Variants in INPP4B observed in about 807,000 individuals in gnomAD.
INPP4B encodes inositol polyphosphate 4-phosphatase type II.
Under a neutral mutation model 122.5 loss-of-function variants are expected in INPP4B, and 55 were observed. That is an observed-to-expected ratio of 0.45 (90% CI 0.36 to 0.56). INPP4B has a LOEUF of 0.56. Among genes scored for constraint, INPP4B ranks in the 20% least tolerant of loss-of-function variants. INPP4B has a pLI of 0.00. For synonymous variants in INPP4B, 403 were observed against 388.7 expected, an observed-to-expected ratio of 1.04 and a Z score of -0.43; for missense variants, 1,000 against 1,097.7, an observed-to-expected ratio of 0.91 and a Z score of 1.26.
chr4:142,653,484 G>A (rs1256685893), intron 2 of INPP4B, among the ~76,000 whole-genome samples: 5 of 152,090 alleles, frequency 3.3e-5, no homozygotes, highest in East Asian at 3.9e-4. Context: ...TCTGACAAAC[G>A]GCTAATATCC....
At chr4:142,816,892 T>G (rs963770139) in intron 1 of INPP4B, among the ~76,000 whole-genome samples, 1 of 152,176 alleles carries the variant, frequency 6.6e-6, no homozygotes, top group Non-Finnish European at 1.5e-5. Flanking sequence ...TTTAGAGTTT[T>G]GTGGGGAAGT....
At position 142,458,149 on chromosome 4, in the gene INPP4B, C is replaced by T. The variant is rs114034274; in HGVS notation, c.-127+4514G>A. Among the ~76,000 whole-genome samples the T allele has an allele frequency of 4.3e-3, 662 of 152,184 alleles. 6 individuals carry two copies. Among genetic ancestry groups the T allele is most frequent in the African/African-American group, 0.015 (615 of 41,518 alleles). ...AGGAATAAAGAGACAAATGGGTGAA[C>T]GTCAAGCACAATATGTAAGTAAAAG... is the stretch of plus-strand genomic sequence containing the variant. On this transcript the variant is annotated intron_variant, in intron 3 of 25. Coordinates refer to ENST00000262992, the MANE Select transcript of INPP4B (RefSeq NM_001101669.3).
chr4:142,469,765 A>G (rs1818471596), intron 2 of INPP4B, among the ~76,000 whole-genome samples: 1 of 152,142 alleles, frequency 6.6e-6, no homozygotes, highest in Admixed American at 6.5e-5. Context: ...GGACAATATA[A>G]TTCCTTCAGA....
chr4:142,473,549 A>C (rs1014554975), intron 2 of INPP4B: 1 of 152,480 alleles, frequency 6.6e-6, no homozygotes, highest in Non-Finnish European at 1.5e-5. Context: ...TGCAAGGGGA[A>C]CTCTAAAAGA....
chr4:142,822,455 A>G (rs1308267708), intron 1 of INPP4B, among the ~76,000 whole-genome samples: 2 of 152,090 alleles, frequency 1.3e-5, no homozygotes, highest in Non-Finnish European at 2.9e-5. Context: ...GAGCATTACC[A>G]CCTGAGCTCT....
intron 25 of INPP4B, among the ~76,000 whole-genome samples, chr4:142,067,933 C>T (rs940142744): frequency 6.6e-6 from 1 of 152,066 alleles, no homozygotes; most frequent in Non-Finnish European, 1.5e-5. Context: ...GAGAACTTCC[C>T]CAACATAGCA....
chr4:142,365,449 T>C (rs1188816459), intron 7 of INPP4B, among the ~76,000 whole-genome samples: 1 of 152,110 alleles, frequency 6.6e-6, no homozygotes, highest in Non-Finnish European at 1.5e-5. Context: ...AAGTAATAGG[T>C]GGAATACAAA....
chr4:142,395,068 G>C (rs1050864049), intron 7 of INPP4B, among the ~76,000 whole-genome samples: 1 of 152,158 alleles, frequency 6.6e-6, no homozygotes, highest in South Asian at 2.1e-4. Context: ...CCTTTCCTCT[G>C]TTGTGAGAGC....
intron 14 of INPP4B, among the ~76,000 whole-genome samples, chr4:142,195,082 A>G (rs539587767): frequency 6.6e-6 from 1 of 152,362 alleles, no homozygotes; most frequent in Admixed American, 6.5e-5. Context: ...AATACCAACA[A>G]TATACAGAAT....
At chr4:142,324,146 G>C (rs776700448) in intron 7 of INPP4B, among the ~76,000 whole-genome samples, 2 of 152,166 alleles carry the variant, frequency 1.3e-5, no homozygotes, top group East Asian at 3.9e-4. Flanking sequence ...CATGCAAAGA[G>C]GCAGCAAGAG....
chr4:142,148,511 A>C (rs1280276892), intron 17 of INPP4B, among the ~76,000 whole-genome samples: 3 of 152,150 alleles, frequency 2.0e-5, no homozygotes, highest in African/African-American at 7.2e-5. Flanking sequence ...CACTGCACCA[A>C]AGGGAACTTT....
At chr4:142,352,643 G>A (rs1011647574) in intron 7 of INPP4B, among the ~76,000 whole-genome samples, 1 of 151,828 alleles carries the variant, frequency 6.6e-6, no homozygotes, top group African/African-American at 2.4e-5. Flanking sequence ...ACCACTAACA[G>A]AGAACAAAGT....
At chr4:142,792,151 C>G (rs57356511) in intron 1 of INPP4B, among the ~76,000 whole-genome samples, 13,936 of 151,964 alleles carry the variant, frequency 0.092, 810 homozygotes, top group African/African-American at 0.16. Flanking sequence ...TACTTGGAAG[C>G]CTGAGGCAGA....
rs145127253 is a variant in INPP4B, at chr4:142,608,997, C to A, written c.-191+116842G>T. On this transcript the variant is annotated intron_variant, in intron 2 of 25. Coordinates refer to ENST00000262992, the MANE Select transcript of INPP4B (RefSeq NM_001101669.3). ...CCCTTCCTTTTTCCCATCTCAAACTCTTATTATGCTTCAAAGGAAGTTCAG... is the reference window on the plus strand; with the variant it reads ...CCCTTCCTTTTTCCCATCTCAAACTATTATTATGCTTCAAAGGAAGTTCAG... 5.2e-3 allele frequency among the ~76,000 whole-genome samples: 784 copies of A among 152,156 alleles called. 6 individuals are homozygous for A. Among genetic ancestry groups the A allele is most frequent in the Non-Finnish European group, 6.3e-3 (428 of 67,994 alleles).
In INPP4B at chr4:142,384,110, T is replaced by C. The variant is rs192512777; in HGVS notation, c.372+18828A>G. 1,687 of 702,156 alleles carry C rather than the reference T, an allele frequency of 2.4e-3. 41 individuals carry two copies. Among genetic ancestry groups the C allele is most frequent in the South Asian group, 0.023 (1,564 of 67,552 alleles). 43.5% of individuals were successfully genotyped at this position (702,156 alleles called of 1,614,324 possible). ...ACTTATACTCAAATTCTGGATGAGT[T>C]AGCTATCTTGGGAAGAAAAGTGTGA... On this transcript the variant is annotated intron_variant, in intron 7 of 25. Transcript: ENST00000262992.
chr4:142,299,710 T>C (rs896486140), intron 9 of INPP4B, among the ~76,000 whole-genome samples: 2 of 152,114 alleles, frequency 1.3e-5, no homozygotes, highest in Admixed American at 6.6e-5. Context: ...CACTTTCTAT[T>C]GACCTTATTT....
At chr4:142,736,849 G>A (rs1401246465) in intron 1 of INPP4B, among the ~76,000 whole-genome samples, 1 of 152,104 alleles carries the variant, frequency 6.6e-6, no homozygotes, top group Non-Finnish European at 1.5e-5. Context: ...AATAGGACTG[G>A]TGAGAGAGGG....
At chr4:142,832,422 T>C (rs1448980527) in intron 1 of INPP4B, among the ~76,000 whole-genome samples, 2 of 152,190 alleles carry the variant, frequency 1.3e-5, no homozygotes, top group East Asian at 3.9e-4. Flanking sequence ...AATAGATTGA[T>C]CCAGTCAGAG....
chr4:142,777,674 A>G (rs560604584), intron 1 of INPP4B, among the ~76,000 whole-genome samples: 1 of 152,190 alleles, frequency 6.6e-6, no homozygotes, highest in South Asian at 2.1e-4. Context: ...ATCAAGCCAC[A>G]TTAGCACCCA....
Sources: gnomAD v4.1 joint callset for allele counts (sites outside exome capture counted in the v4.1 genomes callset) on GRCh38, gnomAD v4.1.1 for gene constraint, MANE v1.5 for transcripts, NCBI Gene and HGNC (gene_info 2026-07-23, HGNC 2026-07-21) for gene names.